POLR1A: variants seen among roughly 807,000 people sequenced by gnomAD.
POLR1A encodes the protein DNA-directed RNA polymerase I subunit RPA1.
In POLR1A, 84 loss-of-function variants were observed where a neutral mutation model predicts 205.3. The observed-to-expected ratio is 0.41, with a 90% CI of 0.34 to 0.49. The LOEUF is 0.49. POLR1A is among the 20% of genes least tolerant of loss of function. The pLI is 0.22. For synonymous variants in POLR1A, 799 were observed against 863.7 expected, an observed-to-expected ratio of 0.93 and a Z score of 1.31; for missense variants, 1,645 against 2,204.5, an observed-to-expected ratio of 0.75 and a Z score of 5.08.
chr2:86,062,383 G>A lies in POLR1A; in HGVS notation c.2058+2891C>T, dbSNP rs963266347. On this transcript the variant is annotated intron_variant, in intron 14 of 33. Coordinates refer to ENST00000263857, the MANE Select transcript of POLR1A (RefSeq NM_015425.6). ...TCTCTAGGCACAATGAAATTAAACC[G>A]GAAATCAACAATCGAGATATTTGGA... 5.3e-5 allele frequency among the ~76,000 whole-genome samples: 8 copies of A among 151,786 alleles called. 1 individual carries two copies. In the East Asian group the frequency reaches 7.7e-4, roughly 15 times the overall value.
At chr2:86,102,397 TACTC>T (rs1420478511) in intron 1 of POLR1A, among the ~76,000 whole-genome samples, 1 of 152,266 alleles carries the variant, frequency 6.6e-6, no homozygotes, top group Non-Finnish European at 1.5e-5. Flanking sequence ...TCTTTTCACA[TACTC>T]ACTGGCCATC....
intron 2 of POLR1A, among the ~76,000 whole-genome samples, chr2:86,099,569 C>A (rs896818153): frequency 6.6e-6 from 1 of 152,058 alleles, no homozygotes; most frequent in Non-Finnish European, 1.5e-5. Context: ...CCTGCCACCA[C>A]ACAAGTGCCT....
intron 3 of POLR1A, among the ~76,000 whole-genome samples, chr2:86,092,357 G>A: frequency 6.6e-6 from 1 of 152,174 alleles, no homozygotes; most frequent in East Asian, 1.9e-4. Flanking sequence ...TAGGCCAGGG[G>A]GGCTCCCATA....
intron 1 of POLR1A, among the ~76,000 whole-genome samples, 195 bp from the exon 2 acceptor site, chr2:86,100,367 G>A (rs892075904): frequency 6.6e-6 from 1 of 152,078 alleles, no homozygotes; most frequent in Non-Finnish European, 1.5e-5. Context: ...AAATACATAT[G>A]TGCTAAATGA....
chr2:86,058,084 A>C (rs951096249), intron 14 of POLR1A, among the ~76,000 whole-genome samples: 3 of 147,454 alleles, frequency 2.0e-5, no homozygotes, highest in African/African-American at 7.5e-5. Context: ...ACTCTACTCT[A>C]CTCTCTCTAC....
chr2:86,043,683 G>A (rs1672658409), intron 22 of POLR1A, among the ~76,000 whole-genome samples: 2 of 152,268 alleles, frequency 1.3e-5, no homozygotes, highest in South Asian at 4.1e-4. Context: ...AGGGCATTAA[G>A]GTATACAATG....
Position 86,025,323 on chromosome 2 carries a change from A to G in POLR1A, c.*2100T>C, listed in dbSNP as rs1690242106. 1 of 152,256 alleles carries G rather than the reference A, an allele frequency of 6.6e-6. No individual in the cohort carries two copies. The highest frequency in any genetic ancestry group is 1.5e-5 in the Non-Finnish European group (1 of 68,052). 9.4% of individuals were successfully genotyped at this position (152,256 alleles called of 1,614,324 possible). The stretch of plus-strand genomic sequence containing the variant: ...TCAATGGGCACTTACAGTCCTAAGA[A>G]GACTCCAAAGCCTCTGCCATCTTAA... On this transcript the variant is annotated 3_prime_UTR_variant, in exon 34 of 34. Transcript: ENST00000263857.
chr2:86,104,396 C>A (rs1673878811), intron 1 of POLR1A, among the ~76,000 whole-genome samples: 1 of 150,930 alleles, frequency 6.6e-6, no homozygotes, highest in African/African-American at 2.4e-5. Context: ...CTACGTACAC[C>A]ATTTTGGAGG....
At chr2:86,094,675 G>T (rs1673674188) in intron 3 of POLR1A, among the ~76,000 whole-genome samples, 1 of 152,180 alleles carries the variant, frequency 6.6e-6, no homozygotes. Flanking sequence ...AACAATACAG[G>T]ATTAATTCTG....
At chr2:86,088,950 C>G in intron 4 of POLR1A, 80 bp from the exon 5 acceptor site, 10 of 1,078,740 alleles carry the variant, frequency 9.3e-6, no homozygotes, top group Non-Finnish European at 1.4e-5. Context: ...TGGTTTTCAC[C>G]TTTTATTTTT....
chr2:86,095,780 T>G (rs1194238506), intron 3 of POLR1A, among the ~76,000 whole-genome samples: 1 of 151,424 alleles, frequency 6.6e-6, no homozygotes, highest in South Asian at 2.1e-4. Flanking sequence ...CAGGCTGGAG[T>G]GCAGTGGCGC....
Position 86,027,294 on chromosome 2 carries a change from GCTGTGCTCTGTA to G in POLR1A, c.*117_*128del. ...CACTGCTTTCAGGCCCAAGGTCGCTGCTGTGCTCTGTACTGTCACTTGGAACTGCCCTGGATT... is the reference window on the plus strand; with the variant it reads ...CACTGCTTTCAGGCCCAAGGTCGCTGCTGTCACTTGGAACTGCCCTGGATT... On this transcript the variant is annotated 3_prime_UTR_variant, in exon 34 of 34. Transcript: ENST00000263857. 1.3e-6 allele frequency: 1 copy of G among 767,290 alleles called. No individual in the cohort carries two copies. Among genetic ancestry groups the G allele is most frequent in the Non-Finnish European group, 2.3e-6 (1 of 433,438 alleles). 47.5% of individuals were successfully genotyped at this position (767,290 alleles called of 1,614,324 possible).
intron 2 of POLR1A, among the ~76,000 whole-genome samples, chr2:86,098,996 C>T: frequency 6.6e-6 from 1 of 152,008 alleles, no homozygotes. Flanking sequence ...TTTGGGCGTA[C>T]AACCTGAGGT....
At position 86,027,468 on chromosome 2, in the gene POLR1A, G is replaced by A; in HGVS notation, c.5118C>T (p.Val1706=). 1 of 1,614,182 alleles carries A rather than the reference G, an allele frequency of 6.2e-7. No homozygotes were observed. The highest frequency in any genetic ancestry group is 1.1e-5 in the South Asian group (1 of 91,076). Residue 1706 remains valine, a synonymous_variant, in exon 34 of 34, where the codon GTC becomes GTT. Coordinates refer to ENST00000263857, the MANE Select transcript of POLR1A (RefSeq NM_015425.6). ...GCTCGAACAGGCCTGTCCCGCCCCTGACGACCTTCCCGACCACAAGGCAGG... is the reference window on the plus strand; with the variant it reads ...GCTCGAACAGGCCTGTCCCGCCCCTAACGACCTTCCCGACCACAAGGCAGG... The part of the protein sequence containing the change: ...PSACLVVGKV[V]RGGTGLFELK...
In POLR1A at chr2:86,083,976, C is replaced by T. The variant is rs58810051; in HGVS notation, c.731-808G>A. 4.0e-3 allele frequency among the ~76,000 whole-genome samples: 606 copies of T among 152,216 alleles called. 19 individuals are homozygous for T. The East Asian group carries it at 0.09, about 23-fold the overall frequency. On this transcript the variant is annotated intron_variant, in intron 6 of 33. Transcript: ENST00000263857. ...AGGGACCAGGCATTTAAGATGATTA[C>T]CTAAGACAAGTAAGTAGTGTGTCTT...
In POLR1A at chr2:86,050,712, G is replaced by A. The variant is rs530384206; in HGVS notation, c.2393-1470C>T. ...GGGTGTGGGATCTTCCTCTATTTTC[G>A]TTTCAAAAGCGCTCTGATTTTTTCT... On this transcript the variant is annotated intron_variant, in intron 16 of 33. Transcript: ENST00000263857. 6.6e-5 allele frequency among the ~76,000 whole-genome samples: 10 copies of A among 152,246 alleles called. 1 individual carries two copies. The South Asian group carries it at 1.7e-3, about 25-fold the overall frequency.
intron 14 of POLR1A, among the ~76,000 whole-genome samples, chr2:86,065,071 G>A (rs537991857): frequency 5.3e-5 from 8 of 152,104 alleles, no homozygotes; most frequent in African/African-American, 1.9e-4. Flanking sequence ...CACTGCACCA[G>A]GCTACTATGC....
chr2:86,081,375 G>A (rs1414739617), intron 8 of POLR1A, among the ~76,000 whole-genome samples: 1 of 152,100 alleles, frequency 6.6e-6, no homozygotes, highest in Non-Finnish European at 1.5e-5. Flanking sequence ...CAGCCTGGGA[G>A]ACAGTGCAAG....
rs752114103 is a variant in POLR1A at position 86,028,666 on chromosome 2, C to A, written c.4825G>T (p.Ala1609Ser). Reference protein sequence around the residue: ...RLYSNDIHAIANTYGIEAALR... With the variant: ...RLYSNDIHAISNTYGIEAALR... Reference sequence around the variant, plus strand: ...GCGGCCTCAATGCCATACGTGTTGGCTATGGCGTGGATGTCGTTGGAGTAG... The same window carrying A: ...GCGGCCTCAATGCCATACGTGTTGGATATGGCGTGGATGTCGTTGGAGTAG... Residue 1609 changes from alanine to serine, a missense_variant, in exon 32 of 34, where the codon GCC (alanine) becomes TCC (serine). By Grantham distance (99) the Ala-to-Ser change is moderately conservative. Transcript: ENST00000263857. This position sits in a 1 kb window ranked among gnomAD's most constrained non-coding sequence, Gnocchi z 4.5. 25 of 1,614,104 alleles carry A rather than the reference C, an allele frequency of 1.5e-5. No individual in the cohort carries two copies. The Admixed American group carries it at 4.2e-4, about 27-fold the overall frequency.
Sources: gnomAD v4.1 joint callset for allele counts (sites outside exome capture counted in the v4.1 genomes callset) on GRCh38, gnomAD v4.1.1 for gene constraint, Gnocchi (gnomAD v3.1) non-coding constraint, MANE v1.5 for transcripts, NCBI Gene and HGNC (gene_info 2026-07-23, HGNC 2026-07-21) for gene names.